The following MEF2C variants were observed in gnomAD, a reference collection of about 807,000 sequenced individuals.
The protein encoded by MEF2C is myocyte enhancer factor 2C.
A neutral mutation model predicts 50.5 loss-of-function variants in MEF2C; 6 were observed. The observed-to-expected ratio is 0.12, with a 90% CI of 0.07 to 0.23. The LOEUF is 0.23. Among genes scored for constraint, MEF2C ranks in the 10% least tolerant of loss-of-function variants. The pLI is 1.00. For synonymous variants in MEF2C, 183 were observed against 228.0 expected, an observed-to-expected ratio of 0.80 and a Z score of 1.78; for missense variants, 276 against 605.0, an observed-to-expected ratio of 0.46 and a Z score of 5.70.
chr5:88,819,512 T>C, intron 2 of MEF2C: 1 of 360,072 alleles, frequency 2.8e-6, no homozygotes, highest in South Asian at 1.1e-4. Flanking sequence ...CTTTCCTCTC[T>C]TAAGGAACTT....
intron 3 of MEF2C, among the ~76,000 whole-genome samples, chr5:88,776,360 T>C (rs1230780821): frequency 1.3e-5 from 2 of 152,232 alleles, no homozygotes; most frequent in Non-Finnish European, 2.9e-5. Flanking sequence ...ACATTTGAAA[T>C]TTATTCTCTT....
chr5:88,823,632 CTT>C (rs1220479972), intron 2 of MEF2C, 101 bp downstream of exon 2: 1 of 1,114,146 alleles, frequency 9.0e-7, no homozygotes, highest in African/African-American at 1.6e-5. Flanking sequence ...CCAAACTTCT[CTT>C]AATAGATATT....
intron 6 of MEF2C, chr5:88,743,262 A>C: frequency 4.1e-6 from 4 of 984,992 alleles, no homozygotes; most frequent in African/African-American, 1.7e-5. Flanking sequence ...TGGGCAACAA[A>C]AAATGCAAAC....
At chr5:88,846,853 G>C (rs1015623606) in intron 1 of MEF2C, among the ~76,000 whole-genome samples, 1 of 152,222 alleles carries the variant, frequency 6.6e-6, no homozygotes, top group Non-Finnish European at 1.5e-5. Context: ...AATGGATATA[G>C]TCTGGCAGGA....
At chr5:88,738,571 T>C (rs1417846953) in intron 6 of MEF2C, 2 of 970,920 alleles carry the variant, frequency 2.1e-6, no homozygotes, top group African/African-American at 1.8e-5. Context: ...AAGCAGTATG[T>C]CCAGAGTCCA....
At chr5:88,869,562 T>C (rs1345327558) in intron 1 of MEF2C, among the ~76,000 whole-genome samples, 1 of 151,478 alleles carries the variant, frequency 6.6e-6, no homozygotes, top group Non-Finnish European at 1.5e-5. Context: ...CCATTATCTA[T>C]CTGCATATGC....
At chr5:88,761,617 T>C (rs1205283196) in intron 3 of MEF2C, 1 of 302,888 alleles carries the variant, frequency 3.3e-6, no homozygotes, top group African/African-American at 2.2e-5. Flanking sequence ...AAATATCTAG[T>C]GAGAGACAAT....
chr5:88,846,316 C>T (rs1472952158), intron 1 of MEF2C, among the ~76,000 whole-genome samples: 1 of 152,160 alleles, frequency 6.6e-6, no homozygotes, highest in African/African-American at 2.4e-5. Flanking sequence ...GATCCACCCA[C>T]CTCTGCCTCC....
chr5:88,879,409 T>C (rs1300141685), intron 1 of MEF2C, among the ~76,000 whole-genome samples: 1 of 150,584 alleles, frequency 6.6e-6, no homozygotes, highest in Non-Finnish European at 1.5e-5. Flanking sequence ...ATTTGACCAA[T>C]GAACTTTTAT....
chr5:88,733,209 GAT>G, intron 6 of MEF2C: 1 of 985,346 alleles, frequency 1.0e-6, no homozygotes, highest in Non-Finnish European at 1.2e-6. Flanking sequence ...GCCATAGGAA[GAT>G]ATGTTAGGCT....
At chr5:88,741,374 A>G (rs1046618144) in intron 6 of MEF2C, 1 of 985,230 alleles carries the variant, frequency 1.0e-6, no homozygotes, top group Non-Finnish European at 1.2e-6. Context: ...CCGGAAAAAG[A>G]GGAGTTTAAC....
intron 3 of MEF2C, among the ~76,000 whole-genome samples, chr5:88,780,005 G>T (rs947871621): frequency 6.6e-6 from 1 of 151,850 alleles, no homozygotes; most frequent in Admixed American, 6.6e-5. Flanking sequence ...AAATTAGCTG[G>T]GCATGGTGGC....
chr5:88,736,576 T>G (rs1245850042), intron 6 of MEF2C: 1 of 961,620 alleles, frequency 1.0e-6, no homozygotes, highest in Non-Finnish European at 1.2e-6. Flanking sequence ...CTTGAGGGGT[T>G]CTTCACCAGG....
At chr5:88,724,358 C>T (rs1026062051) in intron 10 of MEF2C, among the ~76,000 whole-genome samples, 11 of 152,000 alleles carry the variant, frequency 7.2e-5, no homozygotes, top group African/African-American at 2.4e-4. Flanking sequence ...TAAAATTAGT[C>T]AGAAACGAGT....
intron 1 of MEF2C, chr5:88,838,511 G>A (rs1816056191): frequency 1.1e-6 from 1 of 939,498 alleles, no homozygotes; most frequent in Admixed American, 6.2e-5. Context: ...CCTGATAATG[G>A]GTCAGGAGAG....
intron 3 of MEF2C, among the ~76,000 whole-genome samples, chr5:88,779,882 C>G (rs188873879): frequency 1.3e-5 from 2 of 151,838 alleles, no homozygotes; most frequent in South Asian, 4.2e-4. Context: ...TCATGTCTCA[C>G]GCCTATAATC....
chr5:88,794,357 T>G (rs1417400365), intron 3 of MEF2C, among the ~76,000 whole-genome samples: 1 of 152,238 alleles, frequency 6.6e-6, no homozygotes, highest in Non-Finnish European at 1.5e-5. Context: ...TGAGATGTTA[T>G]CTCATTGTGC....
intron 5 of MEF2C, chr5:88,749,326 T>A (rs1771492924): frequency 1.0e-6 from 1 of 981,194 alleles, no homozygotes; most frequent in African/African-American, 1.7e-5. Flanking sequence ...TTTTGCAGAA[T>A]CTTTTTTCTA....
At chr5:88,780,390 A>C (rs2152862041) in intron 3 of MEF2C, among the ~76,000 whole-genome samples, 1 of 152,290 alleles carries the variant, frequency 6.6e-6, no homozygotes, top group South Asian at 2.1e-4. Flanking sequence ...TCCCTCCCCA[A>C]ATCACAGTTC....
Sources: allele counts gnomAD v4.1 joint callset (sites outside exome capture counted in the v4.1 genomes callset), GRCh38; gene constraint gnomAD v4.1.1; transcripts MANE v1.5; gene names NCBI Gene and HGNC (gene_info 2026-07-23, HGNC 2026-07-21).